ZCCHC7: variants seen among roughly 807,000 people sequenced by gnomAD.
ZCCHC7 encodes zinc finger CCHC domain-containing protein 7.
In ZCCHC7, 35 loss-of-function variants were observed where a neutral mutation model predicts 52.0. That is an observed-to-expected ratio of 0.67 (90% CI 0.51 to 0.89). ZCCHC7 has a LOEUF of 0.89. Ranked by LOEUF, ZCCHC7 falls within the 40% of genes least tolerant of loss-of-function variation. The pLI, the probability that ZCCHC7 is intolerant of heterozygous loss-of-function variation, is 0.00. For missense variants in ZCCHC7, 574 were observed against 649.1 expected, an observed-to-expected ratio of 0.88 and a Z score of 1.26; for synonymous variants, 217 against 221.5, an observed-to-expected ratio of 0.98 and a Z score of 0.18.
At chr9:37,349,300 A>C in intron 6 of ZCCHC7, 57 bp from the exon 7 acceptor site, 1 of 1,562,006 alleles carries the variant, frequency 6.4e-7, no homozygotes. Context: ...TTTGGAAAGA[A>C]TGAGGTTTTA....
intron 5 of ZCCHC7, among the ~76,000 whole-genome samples, chr9:37,311,298 A>G (rs1163479305): frequency 6.6e-6 from 1 of 152,204 alleles, no homozygotes; most frequent in East Asian, 1.9e-4. Flanking sequence ...TTTTTTTCTC[A>G]AATTCCCTGC....
intron 6 of ZCCHC7, among the ~76,000 whole-genome samples, chr9:37,331,599 CTGAGATTGTGATG>C (rs1180592283): frequency 6.6e-6 from 1 of 151,576 alleles, no homozygotes; most frequent in African/African-American, 2.4e-5. Flanking sequence ...AGCCTTTATC[CTGAGATTGTGATG>C]TAAGATAGGA....
chr9:37,228,967 C>G (rs1290049562), intron 2 of ZCCHC7, among the ~76,000 whole-genome samples: 6 of 151,082 alleles, frequency 4.0e-5, no homozygotes, highest in Non-Finnish European at 4.4e-5. Flanking sequence ...TCTCGAGTAG[C>G]TGGGACTATA....
At chr9:37,297,310 T>C (rs1828834140) in intron 2 of ZCCHC7, among the ~76,000 whole-genome samples, 1 of 152,198 alleles carries the variant, frequency 6.6e-6, no homozygotes, top group Non-Finnish European at 1.5e-5. Context: ...GGTAAATTCT[T>C]TGAGGGCAAG....
chr9:37,221,342 A>G (rs1824799768), intron 2 of ZCCHC7, among the ~76,000 whole-genome samples: 2 of 152,198 alleles, frequency 1.3e-5, no homozygotes, highest in African/African-American at 4.8e-5. Flanking sequence ...GAGAAAGAAG[A>G]ATGGCCTTTC....
intron 2 of ZCCHC7, among the ~76,000 whole-genome samples, chr9:37,134,234 C>T (rs890933013): frequency 6.7e-6 from 1 of 150,190 alleles, no homozygotes; most frequent in Admixed American, 6.6e-5. Context: ...TGTATAGGTT[C>T]CCCTTAATCT....
intron 2 of ZCCHC7, among the ~76,000 whole-genome samples, chr9:37,236,685 C>T (rs1430533867): frequency 6.6e-6 from 1 of 152,216 alleles, no homozygotes; most frequent in South Asian, 2.1e-4. Flanking sequence ...TGAGCCACTG[C>T]ACCCGGCCAG....
At chr9:37,267,849 G>A (rs1354199043) in intron 2 of ZCCHC7, among the ~76,000 whole-genome samples, 24 of 152,024 alleles carry the variant, frequency 1.6e-4, no homozygotes, top group Non-Finnish European at 3.4e-4. Context: ...GATTACAGGC[G>A]TGAGCCACCG....
rs554162737 is a variant in ZCCHC7, at chr9:37,228,377, TTTTA to T, written c.611-73799_611-73796del. ...AAAGTTCTGTAAATTATAAAGGTGA[TTTTA>T]TTTATTTATTTTTTTTTTTGAGACA... On this transcript the variant is annotated intron_variant, in intron 2 of 8. Coordinates refer to ENST00000336755, the MANE Select transcript of ZCCHC7 (RefSeq NM_032226.3). Among the ~76,000 whole-genome samples, 59 of 152,120 alleles carry T rather than the reference TTTTA, an allele frequency of 3.9e-4. No individual in the cohort carries two copies. In the South Asian group the frequency reaches 0.011, roughly 29 times the overall value.
At chr9:37,184,924 T>G in intron 2 of ZCCHC7, among the ~76,000 whole-genome samples, 1 of 152,198 alleles carries the variant, frequency 6.6e-6, no homozygotes, top group Non-Finnish European at 1.5e-5. Context: ...AGAATGGCAA[T>G]AGTCCCTGAG....
At chr9:37,202,413 G>A (rs907794362) in intron 2 of ZCCHC7, among the ~76,000 whole-genome samples, 1 of 152,194 alleles carries the variant, frequency 6.6e-6, no homozygotes, top group African/African-American at 2.4e-5. Context: ...TGAATTGTTT[G>A]TTTTAATTGT....
intron 5 of ZCCHC7, chr9:37,326,859 A>G (rs970064857): frequency 6.6e-6 from 1 of 152,104 alleles, no homozygotes; most frequent in Non-Finnish European, 1.5e-5. Flanking sequence ...AACAAAAGCT[A>G]TAAATTTCCA....
chr9:37,337,415 C>A (rs308524), intron 6 of ZCCHC7, among the ~76,000 whole-genome samples: 1,159 of 106,776 alleles, frequency 0.011, 91 homozygotes, highest in South Asian at 0.04. Flanking sequence ...CCCCCCCCCC[C>A]AAAAAAAATG....
intron 2 of ZCCHC7, among the ~76,000 whole-genome samples, chr9:37,135,065 T>G (rs1207623318): frequency 1.3e-5 from 2 of 152,182 alleles, no homozygotes; most frequent in African/African-American, 4.8e-5. Flanking sequence ...TCTACTCTTT[T>G]CTCTAACCTT....
At chr9:37,252,574 A>T (rs1248195749) in intron 2 of ZCCHC7, among the ~76,000 whole-genome samples, 2 of 152,212 alleles carry the variant, frequency 1.3e-5, no homozygotes, top group African/African-American at 4.8e-5. Flanking sequence ...CCGTCACTAG[A>T]GGAAAACACA....
intron 2 of ZCCHC7, among the ~76,000 whole-genome samples, chr9:37,255,119 A>G (rs1000947604): frequency 1.3e-5 from 2 of 152,042 alleles, no homozygotes; most frequent in South Asian, 2.1e-4. Flanking sequence ...CTATACATAC[A>G]TACATCCCTA....
At position 37,181,227 on chromosome 9, in the gene ZCCHC7, A is replaced by AT. The variant is rs953749871; in HGVS notation, c.610+54294dup. On this transcript the variant is annotated intron_variant, in intron 2 of 8. Transcript: ENST00000336755. ...TTTGTAGTTTGCAAGGGTAGATGAG[A>AT]TTTTTTTTTCAGTTTCACTTGTCCA... Among the ~76,000 whole-genome samples the AT allele has an allele frequency of 5.6e-4, 85 of 150,962 alleles. No individual in the cohort carries two copies. The East Asian group carries it at 6.0e-3, about 11-fold the overall frequency.
intron 2 of ZCCHC7, among the ~76,000 whole-genome samples, chr9:37,163,731 G>GT (rs1470800145): frequency 6.6e-6 from 1 of 152,106 alleles, no homozygotes; most frequent in Non-Finnish European, 1.5e-5. Flanking sequence ...TGCTTTTGGG[G>GT]TTGAATCTCA....
intron 2 of ZCCHC7, among the ~76,000 whole-genome samples, chr9:37,275,242 T>C (rs891343801): frequency 2.0e-5 from 3 of 152,176 alleles, no homozygotes; most frequent in Non-Finnish European, 4.4e-5. Context: ...ATCCTGACTT[T>C]TGTGGCAGTA....
Sources: gnomAD v4.1 joint callset for allele counts (sites outside exome capture counted in the v4.1 genomes callset) on GRCh38, gnomAD v4.1.1 for gene constraint, MANE v1.5 for transcripts, NCBI Gene and HGNC (gene_info 2026-07-23, HGNC 2026-07-21) for gene names.